Variants in ITCH observed in about 807,000 individuals in gnomAD.
ITCH encodes E3 ubiquitin-protein ligase Itchy homolog.
Under a neutral mutation model 126.8 loss-of-function variants are expected in ITCH, and 28 were observed. The observed-to-expected ratio is 0.22, with a 90% CI of 0.16 to 0.30. ITCH has a LOEUF of 0.30. Among genes scored for constraint, ITCH ranks in the 10% least tolerant of loss-of-function variants. The probability of loss-of-function intolerance (pLI) is 1.00; values close to 1 mark genes in which losing one functional copy is unlikely to be tolerated. For missense variants in ITCH, 631 were observed against 1,032.4 expected (o/e 0.61, Z 5.33); for synonymous variants, 342 against 340.0 (o/e 1.01, Z -0.06).
At chr20:34,390,865 C>CCT (rs1399926333) in intron 2 of ITCH, among the ~76,000 whole-genome samples, 2 of 151,944 alleles carry the variant, frequency 1.3e-5, no homozygotes, top group Non-Finnish European at 2.9e-5. Context: ...GATTCTCCTG[C>CCT]CTCAGACTTC....
intron 3 of ITCH, among the ~76,000 whole-genome samples, chr20:34,394,210 A>G (rs1450013194): frequency 2.4e-5 from 2 of 84,128 alleles, no homozygotes; most frequent in Admixed American, 9.6e-5. Context: ...AGACTGTCTC[A>G]AAAAAAAAAA....
At chr20:34,445,606 G>C in intron 11 of ITCH, 145 bp downstream of exon 11, 1 of 733,486 alleles carries the variant, frequency 1.4e-6, no homozygotes, top group Non-Finnish European at 2.3e-6. Flanking sequence ...TTTAGACCTT[G>C]TCTGGGGTAT....
At chr20:34,407,081 G>C (rs2146138635) in intron 3 of ITCH, among the ~76,000 whole-genome samples, 1 of 152,038 alleles carries the variant, frequency 6.6e-6, no homozygotes, top group African/African-American at 2.4e-5. Context: ...ACCCTGTAAG[G>C]GGCCTGGACA....
chr20:34,391,491 A>G (rs922308145), intron 2 of ITCH, among the ~76,000 whole-genome samples: 2 of 152,192 alleles, frequency 1.3e-5, no homozygotes, highest in Admixed American at 1.3e-4. Context: ...TTCAGTCATT[A>G]ATAAGTTACT....
rs1313877996 is a variant in ITCH at position 34,507,928 on chromosome 20, C to G, written c.*134C>G. ...CTGAGTGTAAGTAAATTAATGTTCT[C>G]ATTTAGATTTATCTCCCAGTGATTT... On this transcript the variant is annotated 3_prime_UTR_variant, in exon 25 of 25. Coordinates refer to ENST00000374864, the MANE Select transcript of ITCH (RefSeq NM_031483.7). 1.0e-5 allele frequency: 7 copies of G among 699,820 alleles called. No homozygotes were observed. Among genetic ancestry groups the G allele is most frequent in the Admixed American group, 2.1e-5 (1 of 47,246 alleles). The allele number at this position is 699,820 out of a possible 1,614,324, so 43.4% of individuals were successfully genotyped here.
At chr20:34,404,287 A>G (rs2038979542) in intron 3 of ITCH, among the ~76,000 whole-genome samples, 1 of 152,160 alleles carries the variant, frequency 6.6e-6, no homozygotes, top group South Asian at 2.1e-4. Context: ...TATATTTGTA[A>G]TATTATGACT....
intron 16 of ITCH, among the ~76,000 whole-genome samples, chr20:34,472,507 A>G (rs926731555): frequency 3.3e-5 from 5 of 152,218 alleles, no homozygotes; most frequent in Admixed American, 3.3e-4. Flanking sequence ...ACTAGTGAAA[A>G]AATGTCTTAA....
chr20:34,392,369 AT>A (rs2038518511), intron 2 of ITCH, among the ~76,000 whole-genome samples: 1 of 152,232 alleles, frequency 6.6e-6, no homozygotes, highest in Non-Finnish European at 1.5e-5. Context: ...AAGGAAAAAA[AT>A]ATATGTATTA....
intron 4 of ITCH, 115 bp downstream of exon 4, chr20:34,408,907 CTTCTT>C (rs1219763917): frequency 1.9e-6 from 2 of 1,026,992 alleles, no homozygotes; most frequent in Admixed American, 2.7e-5. Context: ...TCCTTTCTCT[CTTCTT>C]TTTTTTTTTT....
intron 20 of ITCH, among the ~76,000 whole-genome samples, chr20:34,485,921 C>G (rs933600165): frequency 6.6e-6 from 1 of 152,070 alleles, no homozygotes; most frequent in Non-Finnish European, 1.5e-5. Context: ...AGACTCCTTG[C>G]CTTAAGCTAT....
In ITCH at chr20:34,511,708, C is replaced by T. The variant is rs530468993; in HGVS notation, c.*3914C>T. 6.6e-6 allele frequency among the ~76,000 whole-genome samples: 1 copy of T among 152,328 alleles called. No homozygotes were observed. Among genetic ancestry groups the T allele is most frequent in the African/African-American group, 2.4e-5 (1 of 41,574 alleles). On this transcript the variant is annotated 3_prime_UTR_variant, in exon 25 of 25. Transcript: ENST00000374864. ...CTCAAAACTACAAAGTTTTCCAGAG[C>T]TTATTTACATTATAAGCTATATGTC...
Position 34,510,454 on chromosome 20 carries a change from T to C in ITCH, c.*2660T>C, listed in dbSNP as rs1600528362. 2 of 146,984 alleles carry C rather than the reference T, an allele frequency of 1.4e-5. No individual in the cohort carries two copies. Among genetic ancestry groups the C allele is most frequent in the African/African-American group, 5.0e-5 (2 of 40,224 alleles). The allele number at this position is 146,984 out of a possible 1,614,324, so 9.1% of individuals were successfully genotyped here. The stretch of plus-strand genomic sequence containing the variant: ...AATAAATCCTGTTAATTTTTTTTTT[T>C]TTTTTTTTTTTTTTTTACTGCATGT... On this transcript the variant is annotated 3_prime_UTR_variant, in exon 25 of 25. Coordinates refer to ENST00000374864, the MANE Select transcript of ITCH (RefSeq NM_031483.7).
intron 3 of ITCH, among the ~76,000 whole-genome samples, chr20:34,406,429 AG>A (rs2039059420): frequency 6.6e-6 from 1 of 152,206 alleles, no homozygotes; most frequent in Non-Finnish European, 1.5e-5. Context: ...TAAGCCTAAA[AG>A]GATGGAAGTA....
intron 2 of ITCH, among the ~76,000 whole-genome samples, chr20:34,376,401 A>G (rs2037846783): frequency 6.6e-6 from 1 of 151,820 alleles, no homozygotes; most frequent in Non-Finnish European, 1.5e-5. Flanking sequence ...CATGTCACTG[A>G]TATGTCACTG....
intron 13 of ITCH, among the ~76,000 whole-genome samples, chr20:34,459,200 G>C (rs1042373980): frequency 6.6e-6 from 1 of 152,164 alleles, no homozygotes; most frequent in Non-Finnish European, 1.5e-5. Context: ...ATTTATTCTA[G>C]AGAAAGAATG....
chr20:34,364,724 C>CAAAAAAAAAAAAAAAAAA (rs1171765663), intron 1 of ITCH, among the ~76,000 whole-genome samples: 11 of 45,566 alleles, frequency 2.4e-4, no homozygotes, highest in East Asian at 6.5e-4. Context: ...ACTAAAAATA[C>CAAAAAAAAAAAAAAAAAA]AAAAAAAAAA....
At chr20:34,462,467 T>C (rs1471010329) in intron 14 of ITCH, among the ~76,000 whole-genome samples, 6 of 152,216 alleles carry the variant, frequency 3.9e-5, no homozygotes, top group African/African-American at 1.4e-4. Flanking sequence ...ATAGGTATTG[T>C]ACTGCTTACC....
intron 23 of ITCH, among the ~76,000 whole-genome samples, chr20:34,492,925 T>C (rs929164808): frequency 6.6e-6 from 1 of 152,204 alleles, no homozygotes; most frequent in African/African-American, 2.4e-5. Flanking sequence ...GAGAAGATCA[T>C]TATATAATAC....
At chr20:34,424,992 A>G (rs1601868611) in intron 7 of ITCH, among the ~76,000 whole-genome samples, 1 of 152,136 alleles carries the variant, frequency 6.6e-6, no homozygotes, top group Non-Finnish European at 1.5e-5. Context: ...TCAAGTTTGG[A>G]CCTAAATGTG....
Sources: gnomAD v4.1 joint callset for allele counts (sites outside exome capture counted in the v4.1 genomes callset) on GRCh38, gnomAD v4.1.1 for gene constraint, MANE v1.5 for transcripts, NCBI Gene and HGNC (gene_info 2026-07-23, HGNC 2026-07-21) for gene names.